CEP112: variants seen among roughly 807,000 people sequenced by gnomAD.
CEP112 encodes the protein centrosomal protein of 112 kDa.
In CEP112, 127 loss-of-function variants were observed where a neutral mutation model predicts 153.0. The observed-to-expected ratio is 0.83, with a 90% confidence interval of 0.72 to 0.96. The LOEUF (loss-of-function observed/expected upper bound fraction) is 0.96, where lower values mean the gene tolerates loss of function less well. CEP112 is among the 40% of genes least tolerant of loss of function. The pLI, the probability that CEP112 is intolerant of heterozygous loss-of-function variation, is 0.00. For missense variants in CEP112, 1,089 were observed against 1,101.2 expected, an observed-to-expected ratio of 0.99 and a Z score of 0.16; for synonymous variants, 358 against 374.4, an observed-to-expected ratio of 0.96 and a Z score of 0.51.
intron 21 of CEP112, among the ~76,000 whole-genome samples, chr17:65,804,102 A>C (rs1024511994): frequency 6.6e-6 from 1 of 152,152 alleles, no homozygotes; most frequent in African/African-American, 2.4e-5. Flanking sequence ...TCTAACTTTC[A>C]ATAACCTCTC....
intron 17 of CEP112, among the ~76,000 whole-genome samples, chr17:65,975,352 T>C (rs1188065927): frequency 6.6e-6 from 1 of 152,220 alleles, no homozygotes; most frequent in Non-Finnish European, 1.5e-5. Context: ...GAGTTCATAC[T>C]TTCTATATAT....
rs183520354 is a variant in CEP112 at position 66,018,982 on chromosome 17, A to T, written c.1656+8519T>A. 2.3e-3 allele frequency among the ~76,000 whole-genome samples: 343 copies of T among 152,302 alleles called. 3 individuals are homozygous for T. The highest frequency in any genetic ancestry group is 1.7e-3 in the East Asian group (9 of 5,192). On this transcript the variant is annotated intron_variant, in intron 16 of 26. Transcript: ENST00000535342. ...AATCATTTAGTCTAACCATTTCCTG[A>T]TTTAACAGATGAGGACAATTCATCA...
At chr17:66,169,492 G>T (rs1168953124) in intron 4 of CEP112, among the ~76,000 whole-genome samples, 1 of 151,908 alleles carries the variant, frequency 6.6e-6, no homozygotes, top group African/African-American at 2.4e-5. Flanking sequence ...CACCATATTG[G>T]CCAAGCTGGT....
At chr17:65,842,921 A>G (rs1403089239) in intron 21 of CEP112, among the ~76,000 whole-genome samples, 1 of 151,512 alleles carries the variant, frequency 6.6e-6, no homozygotes, top group Non-Finnish European at 1.5e-5. Context: ...TTAATTTTTT[A>G]TTTCTTTAAA....
intron 21 of CEP112, among the ~76,000 whole-genome samples, chr17:65,850,153 C>CAAAAA (rs57086665): frequency 2.8e-5 from 1 of 35,712 alleles, no homozygotes; most frequent in Admixed American, 2.6e-4. Context: ...GACTCTGTCT[C>CAAAAA]AAAAAAAAAA....
At chr17:65,898,304 G>A (rs1454224018) in intron 20 of CEP112, among the ~76,000 whole-genome samples, 1 of 152,002 alleles carries the variant, frequency 6.6e-6, no homozygotes, top group East Asian at 1.9e-4. Flanking sequence ...CAATGTTCAA[G>A]CCCCTGGATG....
chr17:65,754,144 G>T (rs188660705), intron 21 of CEP112, among the ~76,000 whole-genome samples: 5 of 152,142 alleles, frequency 3.3e-5, no homozygotes, highest in African/African-American at 1.2e-4. Flanking sequence ...AAAAGTTAGG[G>T]GGTACTTTAT....
At chr17:66,091,519 A>G (rs1700496942) in intron 8 of CEP112, among the ~76,000 whole-genome samples, 1 of 152,164 alleles carries the variant, frequency 6.6e-6, no homozygotes, top group South Asian at 2.1e-4. Flanking sequence ...AACATACAAA[A>G]ACTTATGGGA....
At position 65,997,741 on chromosome 17, in the gene CEP112, A is replaced by C. The variant is rs141381420; in HGVS notation, c.1736+7949T>G. Among the ~76,000 whole-genome samples the C allele has an allele frequency of 6.8e-4, 103 of 151,812 alleles. 1 individual carries two copies. The highest frequency in any genetic ancestry group is 2.3e-3 in the African/African-American group (97 of 41,398). On this transcript the variant is annotated intron_variant, in intron 17 of 26. Transcript: ENST00000535342. ...CATATATATGTATGTTTTTATATAA[A>C]TATAATGTCTAGATCCCTTTCAATG...
At chr17:66,065,111 C>T (rs190240495) in intron 10 of CEP112, among the ~76,000 whole-genome samples, 3 of 152,288 alleles carry the variant, frequency 2.0e-5, no homozygotes, top group African/African-American at 7.2e-5. Context: ...TTCTCATTCA[C>T]TAAATCATGA....
intron 6 of CEP112, among the ~76,000 whole-genome samples, chr17:66,100,425 A>G (rs1278378501): frequency 2.1e-5 from 3 of 144,220 alleles, no homozygotes; most frequent in South Asian, 4.3e-4. Flanking sequence ...AAAAAAAAAA[A>G]AGAGTTGTCC....
At chr17:65,797,927 G>C (rs1036602371) in intron 21 of CEP112, among the ~76,000 whole-genome samples, 8 of 152,116 alleles carry the variant, frequency 5.3e-5, no homozygotes, top group African/African-American at 1.9e-4. Context: ...TTCTAGTAGT[G>C]GGGGAGGCTG....
intron 21 of CEP112, among the ~76,000 whole-genome samples, chr17:65,821,538 ATATTTTTTT>A (rs2056578528): frequency 5.1e-5 from 2 of 39,144 alleles, no homozygotes; most frequent in African/African-American, 1.3e-4. Flanking sequence ...ATATATATAT[ATATTTTTTT>A]TTTTTTTTTT....
chr17:65,773,419 T>TC (rs1397064941), intron 21 of CEP112, among the ~76,000 whole-genome samples: 2 of 151,868 alleles, frequency 1.3e-5, no homozygotes, highest in African/African-American at 4.8e-5. Context: ...GAGGCCATTT[T>TC]TTTATAATAC....
At chr17:65,979,660 C>T (rs192026627) in intron 17 of CEP112, among the ~76,000 whole-genome samples, 1 of 152,260 alleles carries the variant, frequency 6.6e-6, no homozygotes, top group East Asian at 1.9e-4. Context: ...CTTGTTATTG[C>T]CTTCTAGTAA....
chr17:65,943,380 T>G (rs1363521481), intron 18 of CEP112, among the ~76,000 whole-genome samples: 1 of 152,242 alleles, frequency 6.6e-6, no homozygotes, highest in Non-Finnish European at 1.5e-5. Context: ...TTAACTACAT[T>G]ACTAACACCA....
chr17:65,787,920 T>C (rs1010100570), intron 21 of CEP112, among the ~76,000 whole-genome samples: 2 of 152,206 alleles, frequency 1.3e-5, no homozygotes, highest in Non-Finnish European at 2.9e-5. Flanking sequence ...TTTTCTTGTA[T>C]AGCTGTGACC....
At position 65,982,369 on chromosome 17, in the gene CEP112, A is replaced by G. The variant is rs55786856; in HGVS notation, c.1737-20771T>C. 7.5e-3 allele frequency among the ~76,000 whole-genome samples: 1,139 copies of G among 152,352 alleles called. 12 individuals carry two copies. Among genetic ancestry groups the G allele is most frequent in the African/African-American group, 0.025 (1,057 of 41,584 alleles). On this transcript the variant is annotated intron_variant, in intron 17 of 26. Transcript: ENST00000535342. ...AGGCAAAATATCCCCGAAGTAGAGA[A>G]GGGCAACTTGCCCAACTTAACTGCT...
In CEP112 at chr17:66,005,712, G is replaced by T; in HGVS notation, c.1714C>A (p.His572Asn). The T allele has an allele frequency of 6.2e-7, 1 of 1,610,076 alleles. No individual in the cohort carries two copies. Among genetic ancestry groups the T allele is most frequent in the Non-Finnish European group, 8.5e-7 (1 of 1,178,802 alleles). The change falls in exon 17 of 27, where the codon CAT becomes AAT. Residue 572 changes from histidine to asparagine, a missense_variant. Coordinates refer to ENST00000535342, the MANE Select transcript of CEP112 (RefSeq NM_001199165.4). ...CACTTCAAAGCTTCCTCAAATTTAT[G>T]AATTTTCTTTTGAGTATCTTCTTTT... ...KGKEDTQKKI[H>N]KFEEALKEKE...
Sources: allele counts gnomAD v4.1 joint callset (sites outside exome capture counted in the v4.1 genomes callset), GRCh38; gene constraint gnomAD v4.1.1; transcripts MANE v1.5; gene names NCBI Gene and HGNC (gene_info 2026-07-23, HGNC 2026-07-21).